Variants in STRADA observed in about 807,000 individuals in gnomAD.
STRADA encodes STE20-related kinase adapter protein alpha.
Under a neutral mutation model 55.0 loss-of-function variants are expected in STRADA, and 26 were observed. That is an observed-to-expected ratio of 0.47 (90% CI 0.35 to 0.66). STRADA has a LOEUF of 0.66. Among genes scored for constraint, STRADA ranks in the 30% least tolerant of loss-of-function variants. The pLI, the probability that STRADA is intolerant of heterozygous loss-of-function variation, is 0.01. For synonymous variants in STRADA, 197 were observed against 210.9 expected (o/e 0.93, Z 0.57); for missense variants, 443 against 549.7 (o/e 0.81, Z 1.94).
At chr17:63,707,443 G>T in intron 8 of STRADA, 25 bp from the exon 9 acceptor site, 1 of 1,608,000 alleles carries the variant, frequency 6.2e-7, no homozygotes, top group Non-Finnish European at 8.5e-7. Context: ...AGGGTGTCAT[G>T]TCGAGAGCAG....
chr17:63,735,888 T>C (rs946528204), intron 1 of STRADA, among the ~76,000 whole-genome samples: 17 of 152,060 alleles, frequency 1.1e-4, no homozygotes, highest in Admixed American at 5.2e-4. Context: ...AACTGCCCAC[T>C]CATGTCCATG....
intron 10 of STRADA, 177 bp downstream of exon 10, chr17:63,706,458 C>T: frequency 1.7e-6 from 1 of 586,362 alleles, no homozygotes; most frequent in South Asian, 2.7e-5. Context: ...CCAGGTTTGC[C>T]ACAGGAAGTA....
intron 8 of STRADA, 25 bp from the exon 9 acceptor site, chr17:63,707,443 G>A: frequency 6.2e-7 from 1 of 1,608,000 alleles, no homozygotes; most frequent in Non-Finnish European, 8.5e-7. Context: ...AGGGTGTCAT[G>A]TCGAGAGCAG....
intron 12 of STRADA, 115 bp downstream of exon 12, chr17:63,703,890 G>A (rs1033352696): frequency 1.9e-6 from 3 of 1,608,186 alleles, no homozygotes; most frequent in Non-Finnish European, 2.5e-6. Flanking sequence ...TCTTTCAGGG[G>A]CTTCGGAAGC....
At chr17:63,712,379 TCA>T (rs2036558600) in intron 6 of STRADA, 1 of 152,074 alleles carries the variant, frequency 6.6e-6, no homozygotes, top group East Asian at 1.9e-4. Flanking sequence ...GCCCCCTCTC[TCA>T]GTTTAACGAG....
chr17:63,732,811 G>A (rs1287071105), intron 1 of STRADA, among the ~76,000 whole-genome samples: 3 of 152,028 alleles, frequency 2.0e-5, no homozygotes, highest in South Asian at 2.1e-4. Context: ...TGAACTCCTG[G>A]GCTCAAGTGA....
At chr17:63,707,606 C>G (rs2036190059) in intron 8 of STRADA, 188 bp from the exon 9 acceptor site, 1 of 589,618 alleles carries the variant, frequency 1.7e-6, no homozygotes, top group African/African-American at 1.9e-5. Context: ...TGTCACCCGG[C>G]TAGAGTGCAG....
chr17:63,710,040 T>TTTC (rs1402855813), intron 8 of STRADA, among the ~76,000 whole-genome samples: 1 of 151,126 alleles, frequency 6.6e-6, no homozygotes, highest in African/African-American at 2.4e-5. Context: ...CTCTTTTTTT[T>TTTC]TTTTTTTTTT....
chr17:63,704,845 G>C, intron 10 of STRADA: 1 of 1,535,900 alleles, frequency 6.5e-7, no homozygotes, highest in Non-Finnish European at 8.7e-7. Context: ...CTGGAAAGCA[G>C]GGCTCACAGT....
rs759255215 is a variant in STRADA, at chr17:63,704,544, C to T, written c.897G>A (p.Leu299=). Residue 299 remains leucine, a synonymous_variant, in exon 11 of 13, where the codon CTG becomes CTA. Transcript: ENST00000336174. ...CAGCGGGGATGGTGCTGGTATCCAACAGGCAGGGCACTGTGCCGTTCAGTT... is the reference window on the plus strand; with the variant it reads ...CAGCGGGGATGGTGCTGGTATCCAATAGGCAGGGCACTGTGCCGTTCAGTT... ...LEKLNGTVPC[L]LDTSTIPAEE... is the part of the protein sequence containing the mutation. 3.9e-6 allele frequency: 6 copies of T among 1,556,944 alleles called. No homozygotes were observed. The highest frequency in any genetic ancestry group is 1.8e-5 in the Admixed American group (1 of 55,300).
rs745400938 is a variant in STRADA, at chr17:63,707,275, G to A, written c.725C>T (p.Pro242Leu). The change falls in exon 9 of 13, where the codon CCG becomes CTG. Residue 242 changes from proline to leucine, a missense_variant. Transcript: ENST00000336174. ...DFPKYSVKVL[P>L]WLSPEVLQQN... Reference sequence around the variant, plus strand: ...CTGGAGGACCTCGGGGCTGAGCCACGGCAGAACCTTGACACTGTACTTGGG... The same window carrying A: ...CTGGAGGACCTCGGGGCTGAGCCACAGCAGAACCTTGACACTGTACTTGGG... 7 of 1,614,022 alleles carry A rather than the reference G, an allele frequency of 4.3e-6. No homozygotes were observed. Among genetic ancestry groups the A allele is most frequent in the Non-Finnish European group, 5.1e-6 (6 of 1,180,038 alleles).
chr17:63,706,615 C>G lies in STRADA; in HGVS notation c.858+20G>C. The G allele has an allele frequency of 6.3e-7, 1 of 1,596,564 alleles. No individual in the cohort carries two copies. Among genetic ancestry groups the G allele is most frequent in the Non-Finnish European group, 8.6e-7 (1 of 1,166,532 alleles). On this transcript the variant is annotated intron_variant, in intron 10 of 12. Transcript: ENST00000336174. ...GGAAGGCAAGCAGGCAAGAAGGAAA[C>G]CGATGGGCGGCAGGCTTACCTGGGT...
At chr17:63,723,014 G>C (rs1172125754) in intron 4 of STRADA, among the ~76,000 whole-genome samples, 1 of 151,948 alleles carries the variant, frequency 6.6e-6, no homozygotes, top group Non-Finnish European at 1.5e-5. Flanking sequence ...TTACTTTTTT[G>C]GGGGAAGGGG....
At chr17:63,714,551 G>A (rs865939285) in intron 4 of STRADA, 4 of 247,628 alleles carry the variant, frequency 1.6e-5, no homozygotes, top group African/African-American at 6.8e-5. Flanking sequence ...AAGGTCAAAC[G>A]CTGAATCTTG....
chr17:63,711,308 T>C (rs1407871287), intron 6 of STRADA, among the ~76,000 whole-genome samples: 1 of 152,184 alleles, frequency 6.6e-6, no homozygotes, highest in Non-Finnish European at 1.5e-5. Flanking sequence ...GTGCTAGGAT[T>C]ATAGGCGTGA....
chr17:63,730,713 T>C (rs1055271331), intron 1 of STRADA, among the ~76,000 whole-genome samples: 4 of 151,910 alleles, frequency 2.6e-5, no homozygotes, highest in Admixed American at 6.6e-5. Context: ...CGCGCACCAC[T>C]ACACCTGGCT....
At chr17:63,712,109 G>A (rs2036539734) in intron 6 of STRADA, among the ~76,000 whole-genome samples, 1 of 152,054 alleles carries the variant, frequency 6.6e-6, no homozygotes, top group Admixed American at 6.5e-5. Flanking sequence ...GGAGGGGAGG[G>A]GCTGCAACTA....
intron 4 of STRADA, among the ~76,000 whole-genome samples, chr17:63,717,368 C>G (rs2036962926): frequency 6.6e-6 from 1 of 152,104 alleles, no homozygotes; most frequent in East Asian, 1.9e-4. Flanking sequence ...AGTGCAATGG[C>G]GTGATCTCAG....
chr17:63,703,724 G>T lies in STRADA; in HGVS notation c.1171C>A (p.Pro391Thr). 1 of 1,614,178 alleles carries T rather than the reference G, an allele frequency of 6.2e-7. No homozygotes were observed. The highest frequency in any genetic ancestry group is 8.5e-7 in the Non-Finnish European group (1 of 1,180,018). Reference protein sequence around the residue: ...QIKRRASEALPELLRPVTPIT... With the variant: ...QIKRRASEALTELLRPVTPIT... ...GGGGTGACAGGACGAAGCAATTCGG[G>T]CAAAGCCTCTGAGGCACGTCGCTTG... The change falls in exon 13 of 13, where the codon CCC (proline) becomes ACC (threonine). Residue 391 changes from proline to threonine, a missense_variant. By Grantham distance (38) the Pro-to-Thr change is conservative. Coordinates refer to ENST00000336174, the MANE Select transcript of STRADA (RefSeq NM_001003787.4).
Sources: gnomAD v4.1 joint callset for allele counts (sites outside exome capture counted in the v4.1 genomes callset) on GRCh38, gnomAD v4.1.1 for gene constraint, MANE v1.5 for transcripts, NCBI Gene and HGNC (gene_info 2026-07-23, HGNC 2026-07-21) for gene names.